LRRC37A2: variants seen among roughly 807,000 people sequenced by gnomAD.
LRRC37A2 encodes the protein leucine rich repeat containing 37 member A2.
In LRRC37A2, 9 loss-of-function variants were observed where a neutral mutation model predicts 68.8. The observed-to-expected ratio is 0.13, with a 90% CI of 0.08 to 0.23. The LOEUF (loss-of-function observed/expected upper bound fraction) is 0.23, where lower values mean the gene tolerates loss of function less well. Ranked by LOEUF, LRRC37A2 falls within the 10% of genes least tolerant of loss-of-function variation. LRRC37A2 has a pLI of 1.00. For synonymous variants in LRRC37A2, 63 were observed against 367.6 expected, an observed-to-expected ratio of 0.17 and a Z score of 9.48; for missense variants, 168 against 950.4, an observed-to-expected ratio of 0.18 and a Z score of 10.82.
At chr17:46,835,305 G>A in the LRRC37A2 span, among the ~76,000 whole-genome samples, 19 of 152,044 alleles carry the variant, frequency 1.2e-4, no homozygotes, top group Non-Finnish European at 2.2e-4. Flanking sequence ...TCCGCCTCCC[G>A]GGTTCACGCC....
chr17:46,999,868 G>T, the LRRC37A2 span, among the ~76,000 whole-genome samples: 1 of 150,518 alleles, frequency 6.6e-6, no homozygotes, highest in East Asian at 2.0e-4. Context: ...GTGTGGTGGC[G>T]TGTGTCTGTA....
the LRRC37A2 span, among the ~76,000 whole-genome samples, chr17:46,992,853 C>CAAAAAAAAAA: frequency 7.8e-4 from 51 of 65,148 alleles, no homozygotes; most frequent in African/African-American, 1.2e-3. Flanking sequence ...AACTCCATCT[C>CAAAAAAAAAA]AAAAAAAAAA....
At chr17:46,964,458 C>T in the LRRC37A2 span, 1 of 152,286 alleles carries the variant, frequency 6.6e-6, no homozygotes, top group Non-Finnish European at 1.5e-5. Flanking sequence ...AGAACATGGC[C>T]TAGGAGCGCA....
the LRRC37A2 span, among the ~76,000 whole-genome samples, chr17:46,887,443 T>C: frequency 2.0e-5 from 3 of 149,820 alleles, no homozygotes; most frequent in Non-Finnish European, 3.0e-5. Flanking sequence ...AAAAAAAAAA[T>C]CTCTATATAG....
chr17:46,792,245 G>A, the LRRC37A2 span, among the ~76,000 whole-genome samples: 1 of 152,220 alleles, frequency 6.6e-6, no homozygotes, highest in Non-Finnish European at 1.5e-5. Context: ...GGGAGGAGGT[G>A]TCCTCCAGAG....
At chr17:46,935,748 C>G in the LRRC37A2 span, 7 of 987,520 alleles carry the variant, frequency 7.1e-6, no homozygotes, top group Non-Finnish European at 8.4e-6. Flanking sequence ...TCCTAGAAGC[C>G]CTGACCAGTT....
intron 4 of LRRC37A2, among the ~76,000 whole-genome samples, chr17:46,520,822 G>A (rs2144905439): frequency 1.8e-5 from 1 of 55,018 alleles, no homozygotes; most frequent in East Asian, 2.9e-4. Flanking sequence ...TCAGATGGTT[G>A]CCTAAAGGAG....
the LRRC37A2 span, among the ~76,000 whole-genome samples, chr17:46,825,658 G>T: frequency 1.6e-4 from 24 of 152,228 alleles, no homozygotes; most frequent in Non-Finnish European, 2.2e-4. Context: ...CCAGGTTTTG[G>T]CCTGCAAGGA....
the LRRC37A2 span, among the ~76,000 whole-genome samples, chr17:46,845,792 T>G: frequency 6.9e-6 from 1 of 145,050 alleles, no homozygotes; most frequent in African/African-American, 2.6e-5. Context: ...TGGCTTTTTT[T>G]TTTTTTTTTT....
the LRRC37A2 span, among the ~76,000 whole-genome samples, chr17:46,905,780 T>TTGTGTGTGTGTGTGTGTGTG: frequency 9.4e-5 from 11 of 117,042 alleles, no homozygotes; most frequent in African/African-American, 3.5e-4. Context: ...CTCTGTGTGT[T>TTGTGTGTGTGTGTGTGTGTG]TGTGTGTGTG....
chr17:46,793,445 T>A, the LRRC37A2 span, among the ~76,000 whole-genome samples: 1 of 152,122 alleles, frequency 6.6e-6, no homozygotes, highest in African/African-American at 2.4e-5. Context: ...AATGCTGGGC[T>A]CCCGCCTATC....
At chr17:46,533,318 T>C (rs1242614720) in intron 6 of LRRC37A2, among the ~76,000 whole-genome samples, 1 of 86,384 alleles carries the variant, frequency 1.2e-5, no homozygotes, top group Non-Finnish European at 2.0e-5. Flanking sequence ...ATCTTAATTT[T>C]ATAACGTTGT....
the LRRC37A2 span, among the ~76,000 whole-genome samples, chr17:46,951,445 C>T: frequency 1.3e-5 from 2 of 152,238 alleles, no homozygotes; most frequent in African/African-American, 4.8e-5. Context: ...CGCCAGCCCA[C>T]GTCTCCAGAT....
At chr17:46,876,639 A>T in the LRRC37A2 span, 1 of 1,610,064 alleles carries the variant, frequency 6.2e-7, no homozygotes, top group South Asian at 1.1e-5. Context: ...TTCTCCTGCC[A>T]CTGCCAGGTG....
chr17:46,625,468 AAG>A, the LRRC37A2 span, among the ~76,000 whole-genome samples: 5 of 47,214 alleles, frequency 1.1e-4, no homozygotes, highest in Non-Finnish European at 1.8e-4. Flanking sequence ...GCTTCAGAGT[AAG>A]AGGCTGTACT....
chr17:46,808,259 CT>C, the LRRC37A2 span, among the ~76,000 whole-genome samples: 2 of 152,220 alleles, frequency 1.3e-5, no homozygotes, highest in African/African-American at 4.8e-5. Flanking sequence ...GCAATCCCAG[CT>C]TGAGGACAGC....
intron 6 of LRRC37A2, among the ~76,000 whole-genome samples, chr17:46,526,396 AAAG>A (rs1354612775): frequency 9.8e-6 from 1 of 101,602 alleles, no homozygotes; most frequent in African/African-American, 3.9e-5. Flanking sequence ...ACAAACAAAA[AAAG>A]AGGCCCCAGC....
At chr17:46,891,736 A>G in the LRRC37A2 span, among the ~76,000 whole-genome samples, 1 of 151,920 alleles carries the variant, frequency 6.6e-6, no homozygotes, top group Non-Finnish European at 1.5e-5. Flanking sequence ...TCATCCTCTC[A>G]CTAGGCCTGG....
At chr17:47,019,340 C>T in the LRRC37A2 span, 5 of 1,609,842 alleles carry the variant, frequency 3.1e-6, no homozygotes, top group Non-Finnish European at 4.2e-6. Flanking sequence ...TGACTCAAGC[C>T]ACCGTTCAAC....
Sources: allele counts gnomAD v4.1 joint callset (sites outside exome capture counted in the v4.1 genomes callset), GRCh38; gene constraint gnomAD v4.1.1; transcripts MANE v1.5; gene names NCBI Gene and HGNC (gene_info 2026-07-23, HGNC 2026-07-21).